The following PKHD1 variants were observed in gnomAD, a reference collection of about 807,000 sequenced individuals.
The protein encoded by PKHD1 is PKHD1 ciliary IPT domain containing fibrocystin/polyductin, also known as fibrocystin.
Under a neutral mutation model 412.0 loss-of-function variants are expected in PKHD1, and 291 were observed. The observed-to-expected ratio is 0.71, with a 90% confidence interval of 0.64 to 0.78. The LOEUF is 0.78. PKHD1 is among the 30% of genes least tolerant of loss of function. The pLI, the probability that PKHD1 is intolerant of heterozygous loss-of-function variation, is 0.00. For synonymous variants in PKHD1, 1,777 were observed against 1,821.5 expected (o/e 0.98, Z 0.62); for missense variants, 4,825 against 4,950.7 (o/e 0.97, Z 0.76).
intron 60 of PKHD1, among the ~76,000 whole-genome samples, chr6:51,716,920 G>A (rs74829177): frequency 0.047 from 7,167 of 152,134 alleles, 224 homozygotes; most frequent in Middle Eastern, 0.11. Context: ...AAAAGAGAGA[G>A]GGCAAATAGC....
intron 29 of PKHD1, among the ~76,000 whole-genome samples, chr6:52,029,624 G>A (rs1802743340): frequency 6.6e-6 from 1 of 152,152 alleles, no homozygotes; most frequent in Non-Finnish European, 1.5e-5. Context: ...AGAAAAGGGG[G>A]CTTATCATTT....
At chr6:51,981,075 G>A (rs139926674) in intron 35 of PKHD1, among the ~76,000 whole-genome samples, 3 of 151,858 alleles carry the variant, frequency 2.0e-5, no homozygotes, top group Admixed American at 6.6e-5. Context: ...AAGCTACAGC[G>A]TTTATAACCT....
chr6:51,882,049 T>C (rs1383064813), intron 46 of PKHD1, among the ~76,000 whole-genome samples: 2 of 152,238 alleles, frequency 1.3e-5, no homozygotes, highest in Non-Finnish European at 2.9e-5. Context: ...TCAATTAAGA[T>C]ACTGCAACAT....
chr6:51,692,168 A>T (rs1401740073), intron 60 of PKHD1, among the ~76,000 whole-genome samples: 3 of 151,968 alleles, frequency 2.0e-5, no homozygotes, highest in Non-Finnish European at 2.9e-5. Flanking sequence ...CCATGTTCAC[A>T]TTGAAAATCC....
chr6:51,789,034 T>A (rs545694146), intron 53 of PKHD1, among the ~76,000 whole-genome samples: 20 of 152,298 alleles, frequency 1.3e-4, no homozygotes, highest in African/African-American at 4.8e-4. Flanking sequence ...GCTATACTCA[T>A]CTCACTCTGT....
rs747965525 is a variant in PKHD1 at position 51,830,896 on chromosome 6, A to G, written c.8267T>C (p.Ile2756Thr). The G allele has an allele frequency of 2.0e-5, 33 of 1,612,618 alleles. No individual in the cohort carries two copies. Among genetic ancestry groups the G allele is most frequent in the Non-Finnish European group, 1.6e-5 (19 of 1,179,038 alleles). The change falls in exon 52 of 67, where the codon ATT becomes ACT. Residue 2756 changes from isoleucine to threonine, a missense_variant. Ile to Thr is a moderately conservative substitution (Grantham distance 89). Transcript: ENST00000371117. ...EEGWGGYNNTIPGPGDDVLIL... is the reference protein window; with the variant it reads ...EEGWGGYNNTTPGPGDDVLIL... ...GAGAACGTCATCCCCAGGGCCTGGA[A>G]TGGTATTGTTGTATCCTCCCCAGCC...
chr6:51,953,201 C>T (rs1326934746), intron 36 of PKHD1, among the ~76,000 whole-genome samples: 1 of 152,110 alleles, frequency 6.6e-6, no homozygotes, highest in Non-Finnish European at 1.5e-5. Context: ...TTACAGCCAA[C>T]TTGCAGATAA....
intron 61 of PKHD1, among the ~76,000 whole-genome samples, chr6:51,658,046 T>G (rs1404975310): frequency 6.6e-6 from 1 of 152,110 alleles, no homozygotes; most frequent in East Asian, 1.9e-4. Flanking sequence ...CAATGTAAGC[T>G]AAGATGCATC....
chr6:51,687,829 A>C (rs2150603491), intron 60 of PKHD1, among the ~76,000 whole-genome samples: 1 of 152,326 alleles, frequency 6.6e-6, no homozygotes, highest in East Asian at 1.9e-4. Flanking sequence ...GAGTTAGTAA[A>C]TCAGTTCAGT....
chr6:52,084,783 T>A lies in PKHD1; in HGVS notation c.52+99A>T, dbSNP rs1276345137. 2.8e-5 allele frequency: 23 copies of A among 826,726 alleles called. No individual in the cohort carries two copies. In the Admixed American group the frequency reaches 3.9e-4, roughly 14 times the overall value. 51.2% of individuals were successfully genotyped at this position (826,726 alleles called of 1,614,324 possible). ...GGCAAGTTAAAAATGCATATATTTA[T>A]GGTATACAACCAAAATATTACTTTA... is the stretch of plus-strand genomic sequence containing the variant. On this transcript the variant is annotated intron_variant, in intron 2 of 66. Coordinates refer to ENST00000371117, the MANE Select transcript of PKHD1 (RefSeq NM_138694.4).
chr6:51,859,496 A>C (rs1773850297), intron 48 of PKHD1, among the ~76,000 whole-genome samples: 1 of 135,824 alleles, frequency 7.4e-6, no homozygotes, highest in African/African-American at 2.7e-5. Context: ...ACTGCACTCC[A>C]GCCTGGGCAA....
chr6:52,030,245 C>G (rs2128157737), intron 29 of PKHD1, among the ~76,000 whole-genome samples: 1 of 152,296 alleles, frequency 6.6e-6, no homozygotes, highest in South Asian at 2.1e-4. Flanking sequence ...CCTTGATCTG[C>G]CATTTTACTA....
In PKHD1 at chr6:51,616,872, G is replaced by C. The variant is rs1373360946; in HGVS notation, c.*2209C>G. On this transcript the variant is annotated 3_prime_UTR_variant, in exon 67 of 67. Coordinates refer to ENST00000371117, the MANE Select transcript of PKHD1 (RefSeq NM_138694.4). ...TAACAGAGCTGGCAGCTAACTCTTT[G>C]TGAAGGGCGAAATAGAATGAAGAGT... The C allele has an allele frequency of 5.1e-6, 2 of 390,432 alleles. No homozygotes were observed. Among genetic ancestry groups the C allele is most frequent in the African/African-American group, 2.1e-5 (1 of 48,424 alleles). The allele number at this position is 390,432 out of a possible 1,614,324, so 24.2% of individuals were successfully genotyped here. A position where few individuals can be genotyped will look rare whatever the true frequency, so the allele number is the denominator to read the frequency against.
intron 49 of PKHD1, among the ~76,000 whole-genome samples, chr6:51,851,007 A>G (rs1246205865): frequency 6.6e-6 from 1 of 152,186 alleles, no homozygotes; most frequent in Non-Finnish European, 1.5e-5. Flanking sequence ...GCTTTGGCCC[A>G]TTCAATATGA....
At position 52,042,876 on chromosome 6, in the gene PKHD1, G is replaced by C. The variant is rs779716522; in HGVS notation, c.3080C>G (p.Ser1027Cys). The change falls in exon 27 of 67, where the codon TCC becomes TGC. Residue 1027 changes from serine to cysteine, a missense_variant. By Grantham distance (112) the Ser-to-Cys change is moderately radical (BLOSUM62 -1). Transcript: ENST00000371117. The part of the protein sequence containing the change: ...VKPRLDMVEP[S>C]RAADIGGLWA... Reference sequence around the variant, plus strand: ...CAGATTACCAATATCCGCAGCTCTGGAAGGCTCCACCATATCCAGTCTAGG... The same window carrying C: ...CAGATTACCAATATCCGCAGCTCTGCAAGGCTCCACCATATCCAGTCTAGG... 4.3e-6 allele frequency: 7 copies of C among 1,613,826 alleles called. No individual in the cohort carries two copies. The highest frequency in any genetic ancestry group is 4.2e-6 in the Non-Finnish European group (5 of 1,179,826).
chr6:51,865,726 T>C (rs937431061), intron 48 of PKHD1, among the ~76,000 whole-genome samples: 1 of 152,212 alleles, frequency 6.6e-6, no homozygotes, highest in Non-Finnish European at 1.5e-5. Context: ...GAGAGCTTTG[T>C]AAATCAACTC....
intron 11 of PKHD1, among the ~76,000 whole-genome samples, chr6:52,068,283 C>T (rs557833855): frequency 1.6e-4 from 25 of 152,322 alleles, no homozygotes; most frequent in Admixed American, 7.2e-4. Context: ...CCCTCTCTTC[C>T]TACAGCCTGC....
At position 52,047,633 on chromosome 6, in the gene PKHD1, G is replaced by T. The variant is rs1480262129; in HGVS notation, c.2407+859C>A. 2.6e-5 allele frequency among the ~76,000 whole-genome samples: 4 copies of T among 152,078 alleles called. No individual in the cohort carries two copies. The East Asian group carries it at 7.7e-4, about 29-fold the overall frequency. The stretch of plus-strand genomic sequence containing the variant: ...CCACTGAAATCCTCCATAGTACATG[G>T]TGTCACCATTAAGTCTAACTCTGAC... On this transcript the variant is annotated intron_variant, in intron 23 of 66. Transcript: ENST00000371117.
Position 52,045,989 on chromosome 6 carries a change from G to T in PKHD1, c.2592+15C>A. On this transcript the variant is annotated intron_variant, in intron 24 of 66. Coordinates refer to ENST00000371117, the MANE Select transcript of PKHD1 (RefSeq NM_138694.4). ...GGCAGCAAATCCATGCCACTAGAAG[G>T]GATACTATACATACCCTGATAAAAT... is the stretch of plus-strand genomic sequence containing the variant. The T allele has an allele frequency of 6.3e-7, 1 of 1,589,126 alleles. No homozygotes were observed. The highest frequency in any genetic ancestry group is 8.6e-7 in the Non-Finnish European group (1 of 1,157,662).
Sources: gnomAD v4.1 joint callset for allele counts (sites outside exome capture counted in the v4.1 genomes callset) on GRCh38, gnomAD v4.1.1 for gene constraint, MANE v1.5 for transcripts, NCBI Gene and HGNC (gene_info 2026-07-23, HGNC 2026-07-21) for gene names.